Variants in ATP2B1 observed in about 807,000 individuals in gnomAD.
ATP2B1 encodes the protein plasma membrane calcium-transporting ATPase 1.
Under a neutral mutation model 124.2 loss-of-function variants are expected in ATP2B1, and 14 were observed. That is an observed-to-expected ratio of 0.11 (90% confidence interval 0.07 to 0.18). ATP2B1 has a LOEUF of 0.18. Ranked by LOEUF, ATP2B1 falls within the 10% of genes least tolerant of loss-of-function variation. The pLI is 1.00. For missense variants in ATP2B1, 763 were observed against 1,466.1 expected (o/e 0.52, Z 7.83); for synonymous variants, 449 against 492.4 (o/e 0.91, Z 1.17).
intron 1 of ATP2B1, among the ~76,000 whole-genome samples, chr12:89,691,206 A>G (rs1565920297): frequency 6.6e-6 from 1 of 152,080 alleles, no homozygotes; most frequent in Non-Finnish European, 1.5e-5. Flanking sequence ...TCCTATTTAG[A>G]GGGCTATTAT....
At chr12:89,627,950 T>G (rs530400687) in intron 6 of ATP2B1, among the ~76,000 whole-genome samples, 1 of 152,186 alleles carries the variant, frequency 6.6e-6, no homozygotes, top group Non-Finnish European at 1.5e-5. Flanking sequence ...TATTTTTCCA[T>G]AGGACTTCAT....
chr12:89,629,029 T>C (rs567081278), intron 6 of ATP2B1, among the ~76,000 whole-genome samples: 1 of 152,142 alleles, frequency 6.6e-6, no homozygotes, highest in African/African-American at 2.4e-5. Context: ...AGTCAACAAA[T>C]TAGATGTTAA....
At chr12:89,704,144 G>A (rs992571836) in intron 1 of ATP2B1, among the ~76,000 whole-genome samples, 1 of 152,054 alleles carries the variant, frequency 6.6e-6, no homozygotes, top group African/African-American at 2.4e-5. Flanking sequence ...ACATGTTATA[G>A]TATAAAAACA....
Position 89,648,485 on chromosome 12 carries a change from C to G in ATP2B1, c.209-6130G>C, listed in dbSNP as rs559106717. Among the ~76,000 whole-genome samples, 6 of 152,236 alleles carry G rather than the reference C, an allele frequency of 3.9e-5. No homozygotes were observed. In the East Asian group the frequency reaches 1.2e-3, roughly 29 times the overall value. ...TCTAGCACAAGACGGTTCTCAGCAG[C>G]AAAACATTCAAGAACAGGCATGGCT... On this transcript the variant is annotated intron_variant, in intron 2 of 20. Transcript: ENST00000428670.
intron 1 of ATP2B1, among the ~76,000 whole-genome samples, chr12:89,700,033 T>TA (rs71088681): frequency 2.7e-5 from 4 of 150,150 alleles, no homozygotes; most frequent in African/African-American, 7.3e-5. Context: ...TTTTTTTTTT[T>TA]AGTAGAGATG....
At chr12:89,610,386 T>G in intron 14 of ATP2B1, 35 bp downstream of exon 14, 1 of 1,533,300 alleles carries the variant, frequency 6.5e-7, no homozygotes, top group Non-Finnish European at 9.0e-7. Context: ...ATTTCTGTAT[T>G]AAGAAATTGT....
intron 5 of ATP2B1, among the ~76,000 whole-genome samples, chr12:89,631,226 C>T (rs906226093): frequency 6.6e-6 from 1 of 152,164 alleles, no homozygotes; most frequent in Non-Finnish European, 1.5e-5. Context: ...CCTGTCTGTA[C>T]ACTTCATAGA....
intron 2 of ATP2B1, among the ~76,000 whole-genome samples, chr12:89,655,131 C>T (rs1885803597): frequency 6.6e-6 from 1 of 152,142 alleles, no homozygotes. Flanking sequence ...CAACATAATT[C>T]AAAGACTAAA....
In ATP2B1 at chr12:89,610,000, A is replaced by C. The variant is rs1191764574; in HGVS notation, c.2379T>G (p.Ala793=). 1 of 1,613,788 alleles carries C rather than the reference A, an allele frequency of 6.2e-7. No individual in the cohort carries two copies. Among genetic ancestry groups the C allele is most frequent in the Non-Finnish European group, 8.5e-7 (1 of 1,179,772 alleles). The stretch of plus-strand genomic sequence containing the variant: ...CATCATTTGTACCATCACCAGTTAC[A>C]GCTACAACCTGGCGTTGGTCTGAGA... ...STVSDQRQVV[A]VTGDGTNDGP... The change falls in exon 15 of 21, where the codon GCT becomes GCG. Residue 793 remains alanine (A), a synonymous_variant. Coordinates refer to ENST00000428670, the MANE Select transcript of ATP2B1 (RefSeq NM_001366521.1).
intron 20 of ATP2B1, among the ~76,000 whole-genome samples, chr12:89,592,841 G>C (rs1212242690): frequency 3.9e-5 from 6 of 151,970 alleles, no homozygotes; most frequent in Non-Finnish European, 8.8e-5. Flanking sequence ...AAATTAGTTG[G>C]GGATCTTGTT....
rs75819693 is a variant in ATP2B1 at position 89,652,589 on chromosome 12, T to C, written c.208+3090A>G. ...AGTTCATTTCCTTGGACGTACAAAC[T>C]CCTAATTGCTTACTCCTGGTCATGT... On this transcript the variant is annotated intron_variant, in intron 2 of 20. Coordinates refer to ENST00000428670, the MANE Select transcript of ATP2B1 (RefSeq NM_001366521.1). Among the ~76,000 whole-genome samples the C allele has an allele frequency of 1.5e-3, 229 of 152,328 alleles. 2 individuals carry two copies. Among genetic ancestry groups the C allele is most frequent in the African/African-American group, 5.3e-3 (219 of 41,576 alleles).
chr12:89,633,281 A>C (rs1030233110), intron 5 of ATP2B1, among the ~76,000 whole-genome samples: 12 of 151,876 alleles, frequency 7.9e-5, no homozygotes, highest in Admixed American at 4.6e-4. Context: ...CAGGGTGTGA[A>C]TGTTCTTTTT....
chr12:89,708,984 C>CGCTCGGCACGGGCA (rs986522632), upstream of ATP2B1: 1 of 151,298 alleles, frequency 6.6e-6, no homozygotes, highest in Non-Finnish European at 1.5e-5. Context: ...GCGCCGCGCT[C>CGCTCGGCACGGGCA]GCTCGGCACG....
intron 1 of ATP2B1, among the ~76,000 whole-genome samples, chr12:89,691,598 T>G (rs756071388): frequency 2.0e-5 from 3 of 152,132 alleles, no homozygotes; most frequent in African/African-American, 7.2e-5. Context: ...AAGTGATCAC[T>G]CAGGATTATT....
intron 1 of ATP2B1, among the ~76,000 whole-genome samples, chr12:89,684,936 G>C (rs1439934044): frequency 6.6e-6 from 1 of 152,160 alleles, no homozygotes; most frequent in African/African-American, 2.4e-5. Flanking sequence ...CAATGAAAGA[G>C]AACTTTTGGA....
intron 6 of ATP2B1, 104 bp from the exon 7 acceptor site, chr12:89,627,820 GGT>G (rs975264977): frequency 1.6e-5 from 19 of 1,223,414 alleles, no homozygotes; most frequent in Non-Finnish European, 2.3e-5. Context: ...GTTACACAAT[GGT>G]GTGTGTGTCT....
chr12:89,689,427 T>C (rs1480669378), intron 1 of ATP2B1, among the ~76,000 whole-genome samples: 1 of 152,034 alleles, frequency 6.6e-6, no homozygotes, highest in African/African-American at 2.4e-5. Flanking sequence ...GGAAATTGGG[T>C]CTTCCAGCAG....
Position 89,589,372 on chromosome 12 carries a change from A to C in ATP2B1, c.*1612T>G, listed in dbSNP as rs1309582470. ...AAAAGAGAAGAAGGTAGATGAAGGA[A>C]AGAAAAAGAGAGCTAAAGAATCCAA... On this transcript the variant is annotated 3_prime_UTR_variant, in exon 21 of 21. Coordinates refer to ENST00000428670, the MANE Select transcript of ATP2B1 (RefSeq NM_001366521.1). The C allele has an allele frequency of 6.6e-6, 1 of 152,478 alleles. No homozygotes were observed. Among genetic ancestry groups the C allele is most frequent in the Non-Finnish European group, 1.5e-5 (1 of 68,022 alleles). 9.4% of individuals were successfully genotyped at this position (152,478 alleles called of 1,614,324 possible).
rs1339118167 is a variant in ATP2B1 at position 89,603,387 on chromosome 12, G to A, written c.2849-133C>T. 4.0e-6 allele frequency: 3 copies of A among 751,166 alleles called. No individual in the cohort carries two copies. The African/African-American group carries it at 5.3e-5, about 13-fold the overall frequency. 46.5% of individuals were successfully genotyped at this position (751,166 alleles called of 1,614,324 possible). ...GCATGGAAGGAGCTAGAGAAACCTG[G>A]GATTATCTAGTACAACTCTCTTGTT... On this transcript the variant is annotated intron_variant, in intron 17 of 20. Coordinates refer to ENST00000428670, the MANE Select transcript of ATP2B1 (RefSeq NM_001366521.1). The surrounding 1 kb of genome is among the most constrained non-coding windows in gnomAD (Gnocchi z 4.3).
Sources: gnomAD v4.1 joint callset for allele counts (sites outside exome capture counted in the v4.1 genomes callset) on GRCh38, gnomAD v4.1.1 for gene constraint, Gnocchi (gnomAD v3.1) non-coding constraint, MANE v1.5 for transcripts, NCBI Gene and HGNC (gene_info 2026-07-23, HGNC 2026-07-21) for gene names.